NLRP1: variants seen among roughly 807,000 people sequenced by gnomAD.
NLRP1 encodes NLR family pyrin domain containing 1.
In NLRP1, 94 loss-of-function variants were observed where a neutral mutation model predicts 136.7. That is an observed-to-expected ratio of 0.69 (90% CI 0.58 to 0.82). NLRP1 has a LOEUF of 0.82. Ranked by LOEUF, NLRP1 falls within the 40% of genes least tolerant of loss-of-function variation. The pLI is 0.00. For missense variants in NLRP1, 1,575 were observed against 1,802.7 expected, an observed-to-expected ratio of 0.87 and a Z score of 2.29; for synonymous variants, 690 against 725.1, an observed-to-expected ratio of 0.95 and a Z score of 0.78.
chr17:5,556,161 C>CACAT lies in NLRP1; in HGVS notation c.2357+2177_2357+2178insATGT, dbSNP rs908575596. On this transcript the variant is annotated intron_variant, in intron 4 of 16. Coordinates refer to ENST00000572272, the MANE Select transcript of NLRP1 (RefSeq NM_033004.4). Reference sequence around the variant, plus strand: ...ACACACACACACACACACACACACACATGAAGGGCTGGGCATGGTGGCTCA... The same window carrying CACAT: ...ACACACACACACACACACACACACACACATATGAAGGGCTGGGCATGGTGGCTCA... Among the ~76,000 whole-genome samples the CACAT allele has an allele frequency of 1.2e-3, 145 of 118,406 alleles. 1 individual carries two copies. Among genetic ancestry groups the CACAT allele is most frequent in the Non-Finnish European group, 1.6e-3 (88 of 54,354 alleles). 77.7% of individuals were successfully genotyped at this position (118,406 alleles called of 152,430 possible).
chr17:5,571,490 C>G (rs1904345937), intron 3 of NLRP1, among the ~76,000 whole-genome samples: 1 of 152,084 alleles, frequency 6.6e-6, no homozygotes, highest in Admixed American at 6.6e-5. Context: ...ATCAAGAATG[C>G]AATCCCATTC....
chr17:5,502,883 T>A (rs1597384350), intron 15 of NLRP1: 1 of 150,332 alleles, frequency 6.7e-6, no homozygotes, highest in African/African-American at 2.5e-5. Context: ...CGGAAGGACA[T>A]GTAGTGGACT....
chr17:5,566,083 T>G (rs1397455217), intron 3 of NLRP1, among the ~76,000 whole-genome samples: 1 of 152,150 alleles, frequency 6.6e-6, no homozygotes, highest in Non-Finnish European at 1.5e-5. Flanking sequence ...TTTCTTAGCT[T>G]GGCTAAAGGT....
downstream of NLRP1, among the ~76,000 whole-genome samples, chr17:5,510,003 C>T (rs62072706): frequency 0.013 from 1,921 of 152,244 alleles, 22 homozygotes; most frequent in Non-Finnish European, 0.018. Flanking sequence ...GCTGTTCAAC[C>T]GTCACATCCA....
Position 5,539,565 on chromosome 17 carries a change from G to A in NLRP1, c.2720C>T (p.Thr907Met), listed in dbSNP as rs753102272. Residue 907 changes from threonine (T) to methionine (M), a missense_variant, in exon 7 of 17, where the codon ACG (threonine) becomes ATG (methionine). Thr to Met is a moderately conservative substitution (Grantham distance 81, BLOSUM62 -1). Coordinates refer to ENST00000572272, the MANE Select transcript of NLRP1 (RefSeq NM_033004.4). ...QRLQLVSCGL[T>M]SDCCQDLASV... is the part of the protein sequence containing the mutation. ...GGCCAGGTCCTGGCAGCAGTCAGAC[G>A]TGAGGCCACAGCTGACCAGCCTGCA... 2.7e-5 allele frequency: 43 copies of A among 1,612,162 alleles called. No homozygotes were observed. Among genetic ancestry groups the A allele is most frequent in the South Asian group, 3.3e-5 (3 of 90,864 alleles).
chr17:5,511,872 C>CT (rs1907664372), downstream of NLRP1, among the ~76,000 whole-genome samples: 2 of 47,974 alleles, frequency 4.2e-5, no homozygotes, highest in Non-Finnish European at 8.1e-5. Context: ...TTCTTTCTCT[C>CT]TCTTCTTTCT....
chr17:5,557,002 CTTTTG>C (rs1914168595), intron 4 of NLRP1, among the ~76,000 whole-genome samples: 1 of 151,952 alleles, frequency 6.6e-6, no homozygotes, highest in African/African-American at 2.4e-5. Flanking sequence ...TCTACGTTAT[CTTTTG>C]TTTGTTTGTT....
chr17:5,574,061 A>G (rs1904736035), intron 3 of NLRP1, among the ~76,000 whole-genome samples: 1 of 152,248 alleles, frequency 6.6e-6, no homozygotes, highest in Non-Finnish European at 1.5e-5. Context: ...AACCTTGAAA[A>G]AAGATTAGAC....
chr17:5,526,705 G>A (rs1022600824), intron 12 of NLRP1, among the ~76,000 whole-genome samples: 1 of 152,160 alleles, frequency 6.6e-6, no homozygotes, highest in African/African-American at 2.4e-5. Flanking sequence ...GCTCAGCAGG[G>A]CTTGGTGCTT....
intron 5 of NLRP1, 99 bp from the exon 6 acceptor site, chr17:5,542,126 T>G: frequency 1.2e-5 from 14 of 1,180,210 alleles, no homozygotes; most frequent in Non-Finnish European, 1.7e-5. Flanking sequence ...ACCAGGCCTG[T>G]GGGCCAGGCA....
At chr17:5,511,743 CCTTT>C (rs1907644805), downstream of NLRP1, among the ~76,000 whole-genome samples, 2 of 151,748 alleles carry the variant, frequency 1.3e-5, no homozygotes, top group Non-Finnish European at 1.5e-5. Flanking sequence ...TCCCTCCCTC[CCTTT>C]CTCTTTTCTT....
At position 5,532,892 on chromosome 17, in the gene NLRP1, C is replaced by G; in HGVS notation, c.3226G>C (p.Asp1076His). ...GDLHTKPLGT[D>H]DDFWGPTGPV... Reference sequence around the variant, plus strand: ...CCCGTGGGGCCCCAGAAGTCATCGTCAGTCCCCAAAGGCTTCGTATGCAGG... The same window carrying G: ...CCCGTGGGGCCCCAGAAGTCATCGTGAGTCCCCAAAGGCTTCGTATGCAGG... Residue 1076 changes from aspartate (D) to histidine (H), a missense_variant, in exon 11 of 17, where the codon GAC becomes CAC. Physicochemically the swap from Asp to His is moderately conservative, Grantham distance 81. Transcript: ENST00000572272. 3 of 1,613,928 alleles carry G rather than the reference C, an allele frequency of 1.9e-6. No homozygotes were observed. The highest frequency in any genetic ancestry group is 2.5e-6 in the Non-Finnish European group (3 of 1,179,874).
intron 12 of NLRP1, among the ~76,000 whole-genome samples, chr17:5,527,684 C>T (rs1462159640): frequency 6.6e-6 from 1 of 152,200 alleles, no homozygotes; most frequent in Non-Finnish European, 1.5e-5. Flanking sequence ...GCACAGGATG[C>T]TCAGTTATTG....
At chr17:5,572,236 A>G (rs1389349667) in intron 3 of NLRP1, among the ~76,000 whole-genome samples, 4 of 152,228 alleles carry the variant, frequency 2.6e-5, no homozygotes, top group Admixed American at 1.3e-4. Context: ...AATGAAAACA[A>G]AAATTGACAA....
chr17:5,553,885 C>T (rs1332481747), intron 4 of NLRP1, among the ~76,000 whole-genome samples: 7 of 149,744 alleles, frequency 4.7e-5, no homozygotes, highest in Non-Finnish European at 1.0e-4. Context: ...ATCTGCACTG[C>T]TCAGCATAGG....
chr17:5,517,680 C>A, intron 15 of NLRP1, 66 bp downstream of exon 15: 1 of 1,585,914 alleles, frequency 6.3e-7, no homozygotes, highest in South Asian at 1.1e-5. Context: ...GCCACTGTGC[C>A]CAGCTCCTTC....
At chr17:5,536,482 G>A (rs1911086879) in intron 8 of NLRP1, among the ~76,000 whole-genome samples, 1 of 112,432 alleles carries the variant, frequency 8.9e-6, no homozygotes, top group South Asian at 3.1e-4. Context: ...ATGCAGTCTT[G>A]CTCTGCCACC....
intron 4 of NLRP1, among the ~76,000 whole-genome samples, chr17:5,555,192 T>C (rs1913896802): frequency 6.6e-6 from 1 of 152,148 alleles, no homozygotes; most frequent in Admixed American, 6.5e-5. Flanking sequence ...TGAAAAAAAA[T>C]TAAAAATTTA....
chr17:5,539,989 G>A (rs1264501633), intron 6 of NLRP1, among the ~76,000 whole-genome samples: 4 of 152,206 alleles, frequency 2.6e-5, no homozygotes, highest in Admixed American at 6.5e-5. Context: ...GTGAGCCACC[G>A]TGCCCGGCCG....
Sources: allele counts gnomAD v4.1 joint callset (sites outside exome capture counted in the v4.1 genomes callset), GRCh38; gene constraint gnomAD v4.1.1; transcripts MANE v1.5; gene names NCBI Gene and HGNC (gene_info 2026-07-23, HGNC 2026-07-21).